The following DNAJC1 variants were observed in gnomAD, a reference collection of about 807,000 sequenced individuals.
The protein encoded by DNAJC1 is DnaJ heat shock protein family (Hsp40) member C1, also known as dnaJ homolog subfamily C member 1.
DNAJC1 carries 58 observed loss-of-function variants against 76.6 expected under a neutral mutation model. The observed-to-expected ratio is 0.76, with a 90% confidence interval of 0.61 to 0.94. The LOEUF (loss-of-function observed/expected upper bound fraction) is 0.94. DNAJC1 is among the 40% of genes least tolerant of loss of function. The pLI, the probability that DNAJC1 is intolerant of heterozygous loss-of-function variation, is 0.00. For missense variants in DNAJC1, 689 were observed against 677.3 expected (o/e 1.02, Z -0.19); for synonymous variants, 258 against 267.9 (o/e 0.96, Z 0.36).
chr10:21,909,312 A>G (rs1009923647), intron 6 of DNAJC1, among the ~76,000 whole-genome samples: 1 of 152,244 alleles, frequency 6.6e-6, no homozygotes, highest in Non-Finnish European at 1.5e-5. Context: ...GTAATTATAG[A>G]GCATAGGCTC....
chr10:21,788,650 A>G (rs1255876824), intron 9 of DNAJC1, among the ~76,000 whole-genome samples: 2 of 152,102 alleles, frequency 1.3e-5, no homozygotes, highest in Non-Finnish European at 2.9e-5. Flanking sequence ...TTGGACTCAC[A>G]GAGACTGAGA....
chr10:21,883,540 A>G (rs1198577440), intron 7 of DNAJC1, among the ~76,000 whole-genome samples: 2 of 152,092 alleles, frequency 1.3e-5, no homozygotes, highest in Admixed American at 6.5e-5. Flanking sequence ...ACATCCTGAT[A>G]AACCTATCAT....
intron 1 of DNAJC1, 101 bp from the exon 2 acceptor site, chr10:21,929,242 A>G: frequency 1.4e-6 from 1 of 727,908 alleles, no homozygotes; most frequent in East Asian, 2.8e-5. Context: ...AACCAAGTGC[A>G]GGACCCCAGG....
intron 10 of DNAJC1, among the ~76,000 whole-genome samples, chr10:21,763,565 G>GT (rs34169717): frequency 0.63 from 80,459 of 127,312 alleles, 24,733 homozygotes; most frequent in East Asian, 0.91. Flanking sequence ...TGTGCAGGTT[G>GT]TTTTTTTTTT....
chr10:21,927,890 G>A (rs1169637915), intron 3 of DNAJC1, among the ~76,000 whole-genome samples: 1 of 152,180 alleles, frequency 6.6e-6, no homozygotes. Flanking sequence ...GGGGCACAGA[G>A]AAGTCTTAGA....
chr10:21,807,737 A>G (rs1834902755), intron 8 of DNAJC1, among the ~76,000 whole-genome samples: 1 of 152,198 alleles, frequency 6.6e-6, no homozygotes, highest in Admixed American at 6.5e-5. Flanking sequence ...ATTCATCAGT[A>G]CAGCCTCTAC....
intron 9 of DNAJC1, chr10:21,803,883 A>G (rs1206034067): frequency 1.0e-6 from 1 of 983,808 alleles, no homozygotes; most frequent in African/African-American, 1.8e-5. Context: ...AAAAACCCAA[A>G]AAACAAAAAA....
chr10:21,802,882 A>C (rs2131640050), intron 9 of DNAJC1, among the ~76,000 whole-genome samples: 2 of 152,230 alleles, frequency 1.3e-5, no homozygotes, highest in South Asian at 4.1e-4. Flanking sequence ...TTATTTTTAC[A>C]ATTTGAGTGT....
chr10:21,782,501 A>T (rs1211333027), intron 9 of DNAJC1, among the ~76,000 whole-genome samples: 1 of 152,208 alleles, frequency 6.6e-6, no homozygotes, highest in Non-Finnish European at 1.5e-5. Context: ...AAACAGAAGG[A>T]ATCCATTCCA....
chr10:21,893,851 A>G (rs1322887641), intron 7 of DNAJC1, among the ~76,000 whole-genome samples: 1 of 152,036 alleles, frequency 6.6e-6, no homozygotes, highest in Non-Finnish European at 1.5e-5. Context: ...GAAATTGAAA[A>G]CAAAAACCAT....
chr10:21,843,733 T>C (rs944019734), intron 8 of DNAJC1, among the ~76,000 whole-genome samples: 1 of 151,868 alleles, frequency 6.6e-6, no homozygotes, highest in Non-Finnish European at 1.5e-5. Flanking sequence ...TCAGAAATGA[T>C]TTTACAATCT....
intron 2 of DNAJC1, among the ~76,000 whole-genome samples, 183 bp downstream of exon 2, chr10:21,928,857 A>T (rs1837171152): frequency 6.6e-6 from 1 of 152,202 alleles, no homozygotes; most frequent in Admixed American, 6.5e-5. Flanking sequence ...CCAAGAATTT[A>T]GAGATGCTAA....
chr10:21,833,372 G>C (rs372602151), intron 8 of DNAJC1, among the ~76,000 whole-genome samples: 1 of 152,210 alleles, frequency 6.6e-6, no homozygotes, highest in Non-Finnish European at 1.5e-5. Context: ...TTGGGAGACT[G>C]AGGCAGGCGA....
intron 6 of DNAJC1, among the ~76,000 whole-genome samples, chr10:21,911,878 A>G (rs1463730683): frequency 6.6e-6 from 1 of 152,224 alleles, no homozygotes; most frequent in Non-Finnish European, 1.5e-5. Flanking sequence ...AAAATAAAAT[A>G]GGCTTTGTAT....
At chr10:21,910,369 C>A (rs887524788) in intron 6 of DNAJC1, among the ~76,000 whole-genome samples, 1 of 152,124 alleles carries the variant, frequency 6.6e-6, no homozygotes, top group Admixed American at 6.5e-5. Flanking sequence ...CCCACCTTGG[C>A]CTCCCAAAGT....
intron 1 of DNAJC1, among the ~76,000 whole-genome samples, chr10:21,985,701 T>G (rs1274063152): frequency 6.6e-6 from 1 of 152,220 alleles, no homozygotes; most frequent in East Asian, 1.9e-4. Flanking sequence ...AGTTCTTTCT[T>G]TTTCTACCAA....
chr10:21,768,308 T>C (rs1007682800), intron 9 of DNAJC1, among the ~76,000 whole-genome samples: 5 of 152,184 alleles, frequency 3.3e-5, no homozygotes, highest in Admixed American at 1.3e-4. Context: ...AACCAACACT[T>C]CATGGCTTTA....
At chr10:21,999,203 C>T (rs4748779) in intron 1 of DNAJC1, among the ~76,000 whole-genome samples, 118,371 of 152,104 alleles carry the variant, frequency 0.78, 46,880 homozygotes, top group East Asian at 0.97. Context: ...ACCCAGACTA[C>T]TGAACTCACC....
At chr10:21,852,278 T>TA (rs1010872456) in intron 8 of DNAJC1, among the ~76,000 whole-genome samples, 5 of 151,934 alleles carry the variant, frequency 3.3e-5, no homozygotes, top group Non-Finnish European at 4.4e-5. Context: ...GGTAAATTCA[T>TA]AGAGACAAAA....
Sources: allele counts gnomAD v4.1 joint callset (sites outside exome capture counted in the v4.1 genomes callset), GRCh38; gene constraint gnomAD v4.1.1; transcripts MANE v1.5; gene names NCBI Gene and HGNC (gene_info 2026-07-23, HGNC 2026-07-21).